CSMD1: variants seen among roughly 807,000 people sequenced by gnomAD.
CSMD1 encodes CUB and Sushi multiple domains 1.
CSMD1 carries 213 observed loss-of-function variants against 417.5 expected under a neutral mutation model. That is an observed-to-expected ratio of 0.51 (90% confidence interval 0.46 to 0.57). The LOEUF (loss-of-function observed/expected upper bound fraction) is 0.57. Ranked by LOEUF, CSMD1 falls within the 20% of genes least tolerant of loss-of-function variation. CSMD1 has a pLI of 0.00. For missense variants in CSMD1, 6,923 were observed against 4,529.7 expected, an observed-to-expected ratio of 1.53 and a Z score of -15.17; for synonymous variants, 2,862 against 1,736.8, an observed-to-expected ratio of 1.65 and a Z score of -16.11.
At position 4,299,496 on chromosome 8, in the gene CSMD1, T is replaced by A. The variant is rs75203494; in HGVS notation, c.415+120457A>T. On this transcript the variant is annotated intron_variant, in intron 3 of 69. Transcript: ENST00000635120. ...ACAGATACTTACTCAATAGCCATCATGTGGTAGACACCTTGTAAGTGCTGA... is the reference window on the plus strand; with the variant it reads ...ACAGATACTTACTCAATAGCCATCAAGTGGTAGACACCTTGTAAGTGCTGA... Among the ~76,000 whole-genome samples, 1,240 of 152,342 alleles carry A rather than the reference T, an allele frequency of 8.1e-3. 23 individuals carry two copies. Among genetic ancestry groups the A allele is most frequent in the African/African-American group, 0.028 (1,160 of 41,572 alleles).
chr8:3,211,306 A>G (rs1797592678), intron 30 of CSMD1, among the ~76,000 whole-genome samples: 1 of 152,170 alleles, frequency 6.6e-6, no homozygotes, highest in Admixed American at 6.5e-5. Flanking sequence ...TAGTCTCTCA[A>G]AGTGCTGAGA....
intron 10 of CSMD1, among the ~76,000 whole-genome samples, chr8:3,551,745 T>C (rs1466161180): frequency 2.0e-5 from 3 of 152,152 alleles, no homozygotes; most frequent in African/African-American, 7.2e-5. Flanking sequence ...ACTTGTATAC[T>C]AAAGTCCGTG....
At chr8:4,220,333 T>A (rs1271847713) in intron 3 of CSMD1, among the ~76,000 whole-genome samples, 2 of 152,142 alleles carry the variant, frequency 1.3e-5, no homozygotes, top group Non-Finnish European at 2.9e-5. Context: ...AGAAGGAGGT[T>A]AGCATGTACA....
intron 2 of CSMD1, among the ~76,000 whole-genome samples, chr8:4,552,021 G>A (rs547406533): frequency 1.3e-5 from 2 of 152,154 alleles, no homozygotes; most frequent in African/African-American, 4.8e-5. Context: ...AGATCTAGAA[G>A]TAGCTTTAAC....
At chr8:3,747,905 C>G (rs1563336544) in intron 6 of CSMD1, among the ~76,000 whole-genome samples, 1 of 152,082 alleles carries the variant, frequency 6.6e-6, no homozygotes, top group Non-Finnish European at 1.5e-5. Flanking sequence ...GTGTGGCGAG[C>G]TCCCTCCCAC....
intron 7 of CSMD1, among the ~76,000 whole-genome samples, chr8:3,681,248 C>T (rs373200729): frequency 5.3e-5 from 8 of 152,196 alleles, no homozygotes; most frequent in South Asian, 2.1e-4. Flanking sequence ...GAAGTCAAAT[C>T]GTCCCTCTTT....
At chr8:4,699,944 A>C (rs1039590366) in intron 1 of CSMD1, among the ~76,000 whole-genome samples, 1 of 152,220 alleles carries the variant, frequency 6.6e-6, no homozygotes, top group African/African-American at 2.4e-5. Flanking sequence ...AGCTAGGATT[A>C]GAATAAGACA....
intron 5 of CSMD1, among the ~76,000 whole-genome samples, chr8:3,993,578 A>G (rs35955410): frequency 0.042 from 6,393 of 152,328 alleles, 174 homozygotes; most frequent in Non-Finnish European, 0.061. Flanking sequence ...CTAAGGTTAC[A>G]AAACTGTCAC....
intron 2 of CSMD1, among the ~76,000 whole-genome samples, chr8:4,618,268 C>G (rs1801586527): frequency 6.7e-6 from 1 of 148,422 alleles, no homozygotes; most frequent in African/African-American, 2.5e-5. Flanking sequence ...TCAATGGCGC[C>G]TCTTTTGTAA....
At chr8:4,641,451 T>A (rs1803182621) in intron 1 of CSMD1, among the ~76,000 whole-genome samples, 1 of 152,158 alleles carries the variant, frequency 6.6e-6, no homozygotes, top group African/African-American at 2.4e-5. Context: ...TTTTAAATTC[T>A]GTCTTATACT....
At chr8:3,309,205 C>T (rs1469862340) in intron 23 of CSMD1, among the ~76,000 whole-genome samples, 4 of 152,148 alleles carry the variant, frequency 2.6e-5, no homozygotes, top group African/African-American at 9.7e-5. Context: ...CACCTATCGG[C>T]ACTGCCAGGG....
intron 3 of CSMD1, among the ~76,000 whole-genome samples, chr8:4,075,974 A>G (rs1799800324): frequency 6.6e-6 from 1 of 152,176 alleles, no homozygotes. Flanking sequence ...TTTAAAACAT[A>G]GAATTGTTTC....
intron 2 of CSMD1, among the ~76,000 whole-genome samples, chr8:4,561,925 A>G (rs1249168599): frequency 6.6e-6 from 1 of 152,192 alleles, no homozygotes; most frequent in African/African-American, 2.4e-5. Context: ...TCATCCACAA[A>G]GGCCAGGCGT....
chr8:4,523,260 C>T (rs776054987), intron 2 of CSMD1, among the ~76,000 whole-genome samples: 1 of 152,124 alleles, frequency 6.6e-6, no homozygotes, highest in Non-Finnish European at 1.5e-5. Context: ...TAGATTGACC[C>T]TCAAATCATT....
intron 5 of CSMD1, among the ~76,000 whole-genome samples, chr8:3,980,461 T>C (rs57837621): frequency 0.24 from 36,171 of 151,680 alleles, 4,385 homozygotes; most frequent in East Asian, 0.4. Flanking sequence ...TTTGTGAAGA[T>C]TTTTTTTTGC....
intron 6 of CSMD1, among the ~76,000 whole-genome samples, chr8:3,710,644 T>G (rs1003065095): frequency 6.6e-6 from 1 of 152,178 alleles, no homozygotes; most frequent in African/African-American, 2.4e-5. Flanking sequence ...ACCATGCCTC[T>G]TGGACTCTAC....
At chr8:4,961,886 C>A (rs1430291904) in intron 1 of CSMD1, among the ~76,000 whole-genome samples, 1 of 89,472 alleles carries the variant, frequency 1.1e-5, no homozygotes, top group African/African-American at 5.1e-5. Context: ...CTAACACGTG[C>A]AAAAATTCCT....
intron 25 of CSMD1, among the ~76,000 whole-genome samples, chr8:3,295,528 C>G (rs1417679065): frequency 2.0e-5 from 3 of 152,078 alleles, no homozygotes; most frequent in Admixed American, 1.3e-4. Flanking sequence ...TTTCGTAGTT[C>G]CTTACTAAAG....
At chr8:4,056,018 G>C (rs944480455) in intron 3 of CSMD1, among the ~76,000 whole-genome samples, 1 of 149,440 alleles carries the variant, frequency 6.7e-6, no homozygotes, top group African/African-American at 2.5e-5. Flanking sequence ...AGTCTACACA[G>C]ATTTCCTCCT....
Sources: gnomAD v4.1 joint callset for allele counts (sites outside exome capture counted in the v4.1 genomes callset) on GRCh38, gnomAD v4.1.1 for gene constraint, MANE v1.5 for transcripts, NCBI Gene and HGNC (gene_info 2026-07-23, HGNC 2026-07-21) for gene names.